The following PPP1R1C variants were observed in gnomAD, a reference collection of about 807,000 sequenced individuals.
PPP1R1C encodes protein phosphatase 1 regulatory inhibitor subunit 1C.
A neutral mutation model predicts 17.4 loss-of-function variants in PPP1R1C; 15 were observed. The observed-to-expected ratio is 0.86, with a 90% confidence interval of 0.58 to 1.33. The LOEUF is 1.33. PPP1R1C is among the 40% of genes most tolerant of loss of function. PPP1R1C has a pLI of 0.00. For synonymous variants in PPP1R1C, 35 were observed against 43.1 expected, an observed-to-expected ratio of 0.81 and a Z score of 0.73; for missense variants, 143 against 130.0, an observed-to-expected ratio of 1.10 and a Z score of -0.48.
intron 2 of PPP1R1C, among the ~76,000 whole-genome samples, chr2:182,010,500 T>C (rs1686058119): frequency 6.6e-6 from 1 of 152,128 alleles, no homozygotes; most frequent in Non-Finnish European, 1.5e-5. Flanking sequence ...TGAATTAGTT[T>C]ACCAGTTATA....
intron 2 of PPP1R1C, among the ~76,000 whole-genome samples, chr2:182,035,019 A>G (rs1378304769): frequency 1.3e-5 from 2 of 152,124 alleles, no homozygotes; most frequent in African/African-American, 4.8e-5. Flanking sequence ...TGCACTTTTT[A>G]TTCCCAATAC....
rs1054672307 is a variant in PPP1R1C, at chr2:182,035,778, T to C, written c.143-25664T>C. 3.3e-5 allele frequency among the ~76,000 whole-genome samples: 5 copies of C among 152,212 alleles called. No individual in the cohort carries two copies. In the East Asian group the frequency reaches 9.6e-4, roughly 29 times the overall value. On this transcript the variant is annotated intron_variant, in intron 2 of 4. Coordinates refer to ENST00000682840, the MANE Select transcript of PPP1R1C (RefSeq NM_001080545.3). ...ATGCCTCCTGTGCAGCCTATGGAAC[T>C]GTGAGTCAATTAAACCTCTCTTCTT...
At chr2:182,109,873 T>C (rs1689365997) in intron 4 of PPP1R1C, among the ~76,000 whole-genome samples, 1 of 152,214 alleles carries the variant, frequency 6.6e-6, no homozygotes, top group South Asian at 2.1e-4. Flanking sequence ...TCGTTGATGA[T>C]GACTGAGAGT....
chr2:182,131,325 A>G (rs970418115), downstream of PPP1R1C: 1 of 152,186 alleles, frequency 6.6e-6, no homozygotes, highest in Non-Finnish European at 1.5e-5. Context: ...AAATATGTAT[A>G]TATGTATATT....
chr2:182,054,150 T>C (rs1687613002), intron 2 of PPP1R1C, among the ~76,000 whole-genome samples: 2 of 152,218 alleles, frequency 1.3e-5, no homozygotes, highest in South Asian at 4.1e-4. Flanking sequence ...CAATCTTGAA[T>C]TTTTGTTGTC....
intron 2 of PPP1R1C, among the ~76,000 whole-genome samples, chr2:182,060,635 C>T (rs941219138): frequency 2.0e-5 from 3 of 152,126 alleles, no homozygotes; most frequent in Admixed American, 2.0e-4. Context: ...ATTTTCATGT[C>T]AATACAGATC....
At chr2:182,035,586 A>G (rs1475874397) in intron 2 of PPP1R1C, among the ~76,000 whole-genome samples, 2 of 152,146 alleles carry the variant, frequency 1.3e-5, no homozygotes, top group Non-Finnish European at 2.9e-5. Context: ...TTTTAGCACC[A>G]TCCCTCAAGT....
At chr2:182,041,063 A>G (rs780666376) in intron 2 of PPP1R1C, among the ~76,000 whole-genome samples, 2 of 152,202 alleles carry the variant, frequency 1.3e-5, no homozygotes, top group Non-Finnish European at 2.9e-5. Flanking sequence ...GCCTTGTAGA[A>G]TAATTTTAAT....
At chr2:181,972,016 C>G (rs960372500) in intron 1 of PPP1R1C, among the ~76,000 whole-genome samples, 42 of 152,356 alleles carry the variant, frequency 2.8e-4, no homozygotes, top group Admixed American at 2.1e-3. Context: ...GTGATATAAA[C>G]TTAAAACCAG....
intron 2 of PPP1R1C, among the ~76,000 whole-genome samples, chr2:182,035,215 A>G (rs1409221850): frequency 6.6e-6 from 1 of 152,206 alleles, no homozygotes; most frequent in Non-Finnish European, 1.5e-5. Context: ...CCGAATTCAC[A>G]GTGAAAGTTT....
intron 4 of PPP1R1C, among the ~76,000 whole-genome samples, chr2:182,073,414 A>G (rs1326898395): frequency 2.0e-5 from 3 of 152,238 alleles, no homozygotes; most frequent in Admixed American, 2.0e-4. Context: ...ACATTGAACA[A>G]AATTATAAAT....
chr2:182,063,177 G>A (rs1041103219), intron 3 of PPP1R1C, among the ~76,000 whole-genome samples: 1 of 151,794 alleles, frequency 6.6e-6, no homozygotes, highest in East Asian at 1.9e-4. Context: ...TATTAGGAAA[G>A]GACTTATCTT....
chr2:182,094,910 T>C (rs1010149190), intron 4 of PPP1R1C, among the ~76,000 whole-genome samples: 1 of 152,178 alleles, frequency 6.6e-6, no homozygotes, highest in African/African-American at 2.4e-5. Flanking sequence ...TACTATGGGT[T>C]TATCACAATG....
chr2:182,004,734 G>A (rs1382212591), intron 2 of PPP1R1C, among the ~76,000 whole-genome samples: 1 of 152,224 alleles, frequency 6.6e-6, no homozygotes, highest in Non-Finnish European at 1.5e-5. Context: ...TCACCAGCAG[G>A]AGGGCTCACA....
chr2:181,995,122 A>AAACTTATCTGAGACAAACTT (rs1559049313), intron 2 of PPP1R1C, among the ~76,000 whole-genome samples: 8 of 152,224 alleles, frequency 5.3e-5, no homozygotes, highest in African/African-American at 1.9e-4. Flanking sequence ...ACATATTTAC[A>AAACTTATCTGAGACAAACTT]ATCTGACATA....
intron 2 of PPP1R1C, among the ~76,000 whole-genome samples, chr2:182,046,470 G>A (rs1687350271): frequency 6.6e-6 from 1 of 151,716 alleles, no homozygotes; most frequent in Non-Finnish European, 1.5e-5. Context: ...GCTCATGCCT[G>A]TAATCCCAGC....
upstream of PPP1R1C, among the ~76,000 whole-genome samples, chr2:181,982,766 A>T (rs778314000): frequency 5.9e-5 from 9 of 152,200 alleles, no homozygotes; most frequent in Non-Finnish European, 1.3e-4. Flanking sequence ...TTGAGGAATC[A>T]TGCAAAGTAG....
At position 182,063,791 on chromosome 2, in the gene PPP1R1C, G is replaced by A. The variant is rs1409326917; in HGVS notation, c.241G>A (p.Gly81Arg). Residue 81 changes from glycine to arginine, a missense_variant and splice_region_variant, in exon 4 of 5, where the codon GGG (glycine) becomes AGG (arginine). Transcript: ENST00000682840. ...QSVYTPPTIK[G>R]VKHLKGQNES... is the part of the protein sequence containing the mutation. The stretch of plus-strand genomic sequence containing the variant: ...TGTGTACACACCACCCACCATAAAA[G>A]GTACTGTTCAGGTACTGTTTCGGGT... 2 of 1,611,984 alleles carry A rather than the reference G, an allele frequency of 1.2e-6. No individual in the cohort carries two copies. The highest frequency in any genetic ancestry group is 1.1e-5 in the South Asian group (1 of 91,044).
chr2:181,974,665 A>G (rs1685065583), intron 1 of PPP1R1C, among the ~76,000 whole-genome samples: 1 of 152,214 alleles, frequency 6.6e-6, no homozygotes, highest in Non-Finnish European at 1.5e-5. Flanking sequence ...ATTTTCAGAA[A>G]CAATTTGAGA....
Sources: allele counts gnomAD v4.1 joint callset (sites outside exome capture counted in the v4.1 genomes callset), GRCh38; gene constraint gnomAD v4.1.1; transcripts MANE v1.5; gene names NCBI Gene and HGNC (gene_info 2026-07-23, HGNC 2026-07-21).